DDI2: variants seen among roughly 807,000 people sequenced by gnomAD.
The protein encoded by DDI2 is protein DDI1 homolog 2.
In DDI2, 5 loss-of-function variants were observed where a neutral mutation model predicts 48.1. The observed-to-expected ratio is 0.10, with a 90% CI of 0.05 to 0.22. The LOEUF is 0.22. Among genes scored for constraint, DDI2 ranks in the 10% least tolerant of loss-of-function variants. DDI2 has a pLI of 1.00. For synonymous variants in DDI2, 205 were observed against 183.6 expected (o/e 1.12, Z -0.94); for missense variants, 285 against 506.2 (o/e 0.56, Z 4.19).
Position 15,661,214 on chromosome 1 carries a change from T to C in DDI2, c.*1424T>C. 1 of 1,614,198 alleles carries C rather than the reference T, an allele frequency of 6.2e-7. No homozygotes were observed. The highest frequency in any genetic ancestry group is 8.5e-7 in the Non-Finnish European group (1 of 1,180,032). Reference sequence around the variant, plus strand: ...GTAGAAAATGTAAACTTCAGGAGTCTAGGTGATGGCCTGTCAACCGATAAG... The same window carrying C: ...GTAGAAAATGTAAACTTCAGGAGTCCAGGTGATGGCCTGTCAACCGATAAG... On this transcript the variant is annotated 3_prime_UTR_variant, in exon 10 of 10. Transcript: ENST00000480945.
intron 6 of DDI2, among the ~76,000 whole-genome samples, chr1:15,648,291 C>T (rs1162281110): frequency 6.6e-6 from 1 of 152,154 alleles, no homozygotes; most frequent in Non-Finnish European, 1.5e-5. Context: ...GCTCTGTGGC[C>T]ATCCTTGTGG....
At chr1:15,643,842 T>A (rs751387370) in intron 6 of DDI2, among the ~76,000 whole-genome samples, 192 bp downstream of exon 6, 1 of 152,248 alleles carries the variant, frequency 6.6e-6, no homozygotes, top group Non-Finnish European at 1.5e-5. Context: ...GTCAAAGTTA[T>A]GTGTTTCTGC....
chr1:15,643,913 T>G (rs754383246), intron 6 of DDI2, among the ~76,000 whole-genome samples: 4 of 152,216 alleles, frequency 2.6e-5, no homozygotes, highest in Non-Finnish European at 4.4e-5. Context: ...TCCCTTTCCG[T>G]CATTTTAGCT....
intron 5 of DDI2, among the ~76,000 whole-genome samples, chr1:15,640,959 C>T (rs1268993473): frequency 6.6e-6 from 1 of 152,056 alleles, no homozygotes; most frequent in South Asian, 2.1e-4. Flanking sequence ...GGGCAGGGAC[C>T]ATTTTACAGG....
rs1313724298 is a variant in DDI2 at position 15,661,242 on chromosome 1, A to G, written c.*1452A>G. The G allele has an allele frequency of 6.2e-7, 1 of 1,614,214 alleles. No homozygotes were observed. The highest frequency in any genetic ancestry group is 1.1e-5 in the South Asian group (1 of 91,078). ...GTGATGGCCTGTCAACCGATAAGGA[A>G]GGTGTCCCCAAATCTAGGGAATCCA... is the stretch of plus-strand genomic sequence containing the variant. On this transcript the variant is annotated 3_prime_UTR_variant, in exon 10 of 10. Coordinates refer to ENST00000480945, the MANE Select transcript of DDI2 (RefSeq NM_032341.5).
At chr1:15,644,270 C>G (rs530075887) in intron 6 of DDI2, among the ~76,000 whole-genome samples, 1 of 152,174 alleles carries the variant, frequency 6.6e-6, no homozygotes, top group African/African-American at 2.4e-5. Context: ...CCTACAGATT[C>G]CTTTCTCTTC....
In DDI2 at chr1:15,617,706, C is replaced by G. The variant is rs1188958742; in HGVS notation, c.36C>G (p.Leu12=). 6.2e-7 allele frequency: 1 copy of G among 1,610,020 alleles called. No homozygotes were observed. The highest frequency in any genetic ancestry group is 1.7e-5 in the Admixed American group (1 of 59,638). Reference sequence around the variant, plus strand: ...CCGTGTACTGTGTGCGGAGGGACCTCTCCGAGGTGACCTTTTCCCTCCAGG... The same window carrying G: ...CCGTGTACTGTGTGCGGAGGGACCTGTCCGAGGTGACCTTTTCCCTCCAGG... The part of the protein sequence containing the change: ...LLTVYCVRRD[L]SEVTFSLQVD... The change falls in exon 1 of 10, where the codon CTC becomes CTG. Residue 12 remains leucine, a synonymous_variant. Transcript: ENST00000480945.
intron 1 of DDI2, among the ~76,000 whole-genome samples, chr1:15,625,573 C>T (rs1255246293): frequency 6.6e-6 from 1 of 151,656 alleles, no homozygotes; most frequent in East Asian, 1.9e-4. Flanking sequence ...TTCTTTTTTC[C>T]ACTTGTATTT....
intron 6 of DDI2, among the ~76,000 whole-genome samples, chr1:15,647,561 A>G (rs1287544780): frequency 6.6e-6 from 1 of 152,164 alleles, no homozygotes; most frequent in Non-Finnish European, 1.5e-5. Context: ...CGGATGCTTT[A>G]GGACTCTTGA....
chr1:15,651,562 G>A, intron 7 of DDI2, 144 bp from the exon 8 acceptor site: 3 of 629,992 alleles, frequency 4.8e-6, no homozygotes, highest in South Asian at 5.0e-5. Flanking sequence ...CAGGTGATCT[G>A]CCCTCCTCAG....
At chr1:15,658,362 C>A (rs1640303407) in intron 9 of DDI2, among the ~76,000 whole-genome samples, 1 of 151,748 alleles carries the variant, frequency 6.6e-6, no homozygotes. Flanking sequence ...GTTGGCCAGG[C>A]TGGTCTCGAA....
chr1:15,633,229 AC>A (rs1171592467), intron 3 of DDI2, among the ~76,000 whole-genome samples: 5 of 152,156 alleles, frequency 3.3e-5, no homozygotes, highest in Non-Finnish European at 1.5e-5. Flanking sequence ...ACACCCAGCC[AC>A]AAATACTTTC....
chr1:15,634,829 GC>G (rs1639903097), intron 4 of DDI2, among the ~76,000 whole-genome samples: 1 of 152,084 alleles, frequency 6.6e-6, no homozygotes, highest in Non-Finnish European at 1.5e-5. Flanking sequence ...ACTGCACTTA[GC>G]CCGTCCTTCT....
At chr1:15,632,427 G>A (rs931873028) in intron 3 of DDI2, among the ~76,000 whole-genome samples, 2 of 152,090 alleles carry the variant, frequency 1.3e-5, no homozygotes, top group African/African-American at 2.4e-5. Flanking sequence ...CAGCTACTTG[G>A]GAGGCTGAGG....
chr1:15,632,912 C>CTT (rs1222613153), intron 3 of DDI2, among the ~76,000 whole-genome samples: 16 of 99,896 alleles, frequency 1.6e-4, no homozygotes, highest in South Asian at 3.2e-4. Context: ...TTTGCAAATA[C>CTT]TTTTTTTTTT....
chr1:15,640,021 A>T (rs1042911088), intron 5 of DDI2, among the ~76,000 whole-genome samples: 2 of 141,476 alleles, frequency 1.4e-5, no homozygotes, highest in South Asian at 2.3e-4. Flanking sequence ...CCTTCGGGGG[A>T]AAAAAAAAAA....
intron 1 of DDI2, among the ~76,000 whole-genome samples, chr1:15,621,922 T>C (rs1639673331): frequency 6.6e-6 from 1 of 152,206 alleles, no homozygotes; most frequent in South Asian, 2.1e-4. Context: ...TTTTAGTAAA[T>C]TTAGATTATA....
intron 1 of DDI2, among the ~76,000 whole-genome samples, chr1:15,626,129 C>T (rs909634706): frequency 1.3e-5 from 2 of 151,954 alleles, no homozygotes; most frequent in South Asian, 4.1e-4. Context: ...TCCATAAATT[C>T]ATTCATTCTT....
rs765865868 is a variant in DDI2 at position 15,633,491 on chromosome 1, G to A, written c.558G>A (p.Glu186=). 1.2e-6 allele frequency: 2 copies of A among 1,613,784 alleles called. No homozygotes were observed. The highest frequency in any genetic ancestry group is 1.7e-6 in the Non-Finnish European group (2 of 1,179,780). Residue 186 remains glutamate, a synonymous_variant, in exon 4 of 10, where the codon GAG becomes GAA. Coordinates refer to ENST00000480945, the MANE Select transcript of DDI2 (RefSeq NM_032341.5). The part of the protein sequence containing the change: ...VEQQQDRARR[E]QERIRLFSAD... ...AGCAGCAGGACCGAGCCCGGAGAGA[G>A]CAAGAAAGGATTCGTCTGTTTTCTG...
Sources: allele counts gnomAD v4.1 joint callset (sites outside exome capture counted in the v4.1 genomes callset), GRCh38; gene constraint gnomAD v4.1.1; transcripts MANE v1.5; gene names NCBI Gene and HGNC (gene_info 2026-07-23, HGNC 2026-07-21).